The following LPA variants were observed in gnomAD, a reference collection of about 807,000 sequenced individuals.
LPA encodes the protein apolipoprotein(a).
Under a neutral mutation model 197.9 loss-of-function variants are expected in LPA, and 199 were observed. That is an observed-to-expected ratio of 1.01 (90% confidence interval 0.90 to 1.13). The LOEUF (loss-of-function observed/expected upper bound fraction) is 1.13. Ranked by LOEUF, LPA falls within the 50% of genes most tolerant of loss-of-function variation. The pLI is 0.00. For missense variants in LPA, 1,853 were observed against 1,785.8 expected, an observed-to-expected ratio of 1.04 and a Z score of -0.68; for synonymous variants, 715 against 639.5, an observed-to-expected ratio of 1.12 and a Z score of -1.78.
rs1778261833 is a variant in LPA, at chr6:160,556,256, C to T, written c.4814-72G>A. 4.2e-6 allele frequency: 6 copies of T among 1,433,312 alleles called. 1 individual carries two copies. The highest frequency in any genetic ancestry group is 3.4e-5 in the South Asian group (3 of 87,512). The allele number at this position is 1,433,312 out of a possible 1,614,324, so 88.8% of individuals were successfully genotyped here. A position where few individuals can be genotyped will look rare whatever the true frequency, so the allele number is the denominator to read the frequency against. ...CATGTGAAGCAATTTATGACACAAACAGGACAGTAGTTTCAGAATTATGAC... is the reference window on the plus strand; with the variant it reads ...CATGTGAAGCAATTTATGACACAAATAGGACAGTAGTTTCAGAATTATGAC... On this transcript the variant is annotated intron_variant, in intron 29 of 38. Transcript: ENST00000316300.
At chr6:160,654,021 A>G (rs13218605) in intron 1 of LPA, among the ~76,000 whole-genome samples, 13 of 3,464 alleles carry the variant, frequency 3.8e-3, no homozygotes, top group African/African-American at 7.8e-3. Flanking sequence ...ATTATATATA[A>G]TATATAATAT....
At chr6:160,557,595 G>T (rs1257062856) in intron 28 of LPA, 24 bp from the exon 29 acceptor site, 1 of 1,612,380 alleles carries the variant, frequency 6.2e-7, no homozygotes, top group South Asian at 1.1e-5. Context: ...AACAACACAG[G>T]TCACAAGAGG....
At chr6:160,577,886 C>A (rs1778714106) in intron 27 of LPA, among the ~76,000 whole-genome samples, 2 of 152,202 alleles carry the variant, frequency 1.3e-5, no homozygotes, top group African/African-American at 2.4e-5. Flanking sequence ...AAGCAGAATT[C>A]TCTTCCTCTT....
chr6:160,604,855 A>G (rs1583614524), intron 18 of LPA, among the ~76,000 whole-genome samples, 191 bp downstream of exon 18: 1 of 152,164 alleles, frequency 6.6e-6, no homozygotes. Context: ...TTAAACTAGG[A>G]GGAAGGAGAG....
intron 33 of LPA, among the ~76,000 whole-genome samples, chr6:160,544,473 C>T (rs1220272013): frequency 6.6e-6 from 1 of 152,178 alleles, no homozygotes; most frequent in African/African-American, 2.4e-5. Context: ...ATCACCCTAA[C>T]CTCTCCTTCT....
intron 28 of LPA, among the ~76,000 whole-genome samples, chr6:160,563,160 G>C (rs1373836758): frequency 1.3e-5 from 2 of 152,118 alleles, no homozygotes; most frequent in Non-Finnish European, 2.9e-5. Context: ...TGTGATGTTA[G>C]GGTGTTGATT....
rs1220393646 is a variant in LPA at position 160,589,705 on chromosome 6, C to T, written c.3795G>A (p.Thr1265=). Residue 1265 remains threonine, a synonymous_variant, in exon 24 of 39, where the codon ACG becomes ACA. Transcript: ENST00000316300. ...TSTAVSEQAP[T]EQSPTVQDCY... The stretch of plus-strand genomic sequence containing the variant: ...AGTCCTGGACTGTGGGGCTTTGCTC[C>T]GTTGGTGCTGAAATTCAAAGAGGAG... 9 of 1,613,730 alleles carry T rather than the reference C, an allele frequency of 5.6e-6. No homozygotes were observed. The highest frequency in any genetic ancestry group is 1.3e-5 in the African/African-American group (1 of 74,988).
chr6:160,544,111 G>A (rs944618135), intron 33 of LPA, among the ~76,000 whole-genome samples: 1 of 152,190 alleles, frequency 6.6e-6, no homozygotes, highest in African/African-American at 2.4e-5. Context: ...CACCTGGGAA[G>A]CTACTGCACT....
Position 160,650,426 on chromosome 6 carries a change from A to G in LPA, c.121T>C (p.Ser41Pro). ...GDGQSYRGTY[S>P]TTVTGRTCQA... The stretch of plus-strand genomic sequence containing the variant: ...CAGGTCCTTCCTGTGACAGTGGTGG[A>G]GTACGTGCCTCGATAACTCTGTCCA... The change falls in exon 2 of 39, where the codon TCC becomes CCC. Residue 41 changes from serine to proline, a missense_variant. Physicochemically the swap from Ser to Pro is moderately conservative, Grantham distance 74. Transcript: ENST00000316300. 6.2e-7 allele frequency: 1 copy of G among 1,613,864 alleles called. No homozygotes were observed. Among genetic ancestry groups the G allele is most frequent in the Non-Finnish European group, 8.5e-7 (1 of 1,179,774 alleles).
chr6:160,567,866 C>T (rs1380333896), intron 28 of LPA, among the ~76,000 whole-genome samples: 1 of 152,144 alleles, frequency 6.6e-6, no homozygotes, highest in Non-Finnish European at 1.5e-5. Context: ...ATTATAAACA[C>T]CTCTGTGCAA....
At position 160,554,516 on chromosome 6, in the gene LPA, C is replaced by T. The variant is rs73012302; in HGVS notation, c.4973+1509G>A. 1.0e-2 allele frequency among the ~76,000 whole-genome samples: 1,516 copies of T among 152,206 alleles called. 41 individuals are homozygous for T. The highest frequency in any genetic ancestry group is 0.053 in the Admixed American group (813 of 15,286). ...TGGGGTAGTCTTTATTCTAAGAAGGCATAAATCCTACTCCTAAAGTATGAC... is the reference window on the plus strand; with the variant it reads ...TGGGGTAGTCTTTATTCTAAGAAGGTATAAATCCTACTCCTAAAGTATGAC... On this transcript the variant is annotated intron_variant, in intron 30 of 38. Coordinates refer to ENST00000316300, the MANE Select transcript of LPA (RefSeq NM_005577.4).
rs146164176 is a variant in LPA, at chr6:160,594,987, C to T, written c.3469+367G>A. Among the ~76,000 whole-genome samples, 17 of 152,314 alleles carry T rather than the reference C, an allele frequency of 1.1e-4. No individual in the cohort carries two copies. In the East Asian group the frequency reaches 1.4e-3, roughly 12 times the overall value. On this transcript the variant is annotated intron_variant, in intron 21 of 38. Transcript: ENST00000316300. The stretch of plus-strand genomic sequence containing the variant: ...AAGCCAAAGATGCAATGAACACTGA[C>T]TACTTGAAGAAATACCATGAAAGGC...
intron 37 of LPA, among the ~76,000 whole-genome samples, chr6:160,535,131 T>C (rs1777867081): frequency 6.7e-6 from 1 of 150,186 alleles, no homozygotes; most frequent in African/African-American, 2.5e-5. Context: ...GTTACAGTGA[T>C]GGTGGTATTG....
At chr6:160,581,105 G>A (rs1203266861) in intron 26 of LPA, among the ~76,000 whole-genome samples, 1 of 152,052 alleles carries the variant, frequency 6.6e-6, no homozygotes, top group Non-Finnish European at 1.5e-5. Flanking sequence ...TCATACAGTA[G>A]GATTCAAGCG....
At chr6:160,552,206 C>T (rs1047078355) in intron 30 of LPA, among the ~76,000 whole-genome samples, 4 of 152,202 alleles carry the variant, frequency 2.6e-5, no homozygotes, top group Non-Finnish European at 5.9e-5. Context: ...GCCAAGGGGC[C>T]AGGCCAATAC....
At chr6:160,535,842 C>T (rs1283537222) in intron 37 of LPA, among the ~76,000 whole-genome samples, 1 of 152,048 alleles carries the variant, frequency 6.6e-6, no homozygotes, top group Non-Finnish European at 1.5e-5. Flanking sequence ...GATGGGAGAG[C>T]CAGAACTCAC....
chr6:160,531,899 A>T lies in LPA; in HGVS notation c.5962-9T>A. 1 of 1,613,900 alleles carries T rather than the reference A, an allele frequency of 6.2e-7. No homozygotes were observed. The highest frequency in any genetic ancestry group is 8.5e-7 in the Non-Finnish European group (1 of 1,179,856). The stretch of plus-strand genomic sequence containing the variant: ...GGCCCTCCACTGTCACCCTAAACAG[A>T]GGTAGGGGAAAATTCATGTGAGCTT... On this transcript the variant is annotated splice_polypyrimidine_tract_variant and intron_variant, in intron 38 of 38. Coordinates refer to ENST00000316300, the MANE Select transcript of LPA (RefSeq NM_005577.4).
At chr6:160,650,035 G>C (rs1033440825) in intron 2 of LPA, among the ~76,000 whole-genome samples, 34 of 152,194 alleles carry the variant, frequency 2.2e-4, no homozygotes, top group African/African-American at 8.2e-4. Context: ...AAGGGGTAAA[G>C]ATCACATTGA....
Position 160,586,591 on chromosome 6 carries a change from C to G in LPA, c.3987G>C (p.Glu1329Asp). Reference protein sequence around the residue: ...TRNYCRNPDAEIRPWCYTMDP... With the variant: ...TRNYCRNPDADIRPWCYTMDP... ...CCATGGTATAACACCAAGGGCGAAT[C>G]TCAGCATCTGGATTCCTGCAGTAGT... The change falls in exon 25 of 39, where the codon GAG becomes GAC. Residue 1329 changes from glutamate to aspartate, a missense_variant. Glu to Asp is a conservative substitution (Grantham distance 45, BLOSUM62 2). This residue lies in a region of LPA where 1,737 missense variants were observed against 1,504.4 expected (regional missense o/e 1.15). Transcript: ENST00000316300. The G allele has an allele frequency of 6.2e-7, 1 of 1,613,798 alleles. No homozygotes were observed. Among genetic ancestry groups the G allele is most frequent in the Non-Finnish European group, 8.5e-7 (1 of 1,179,812 alleles).
Sources: gnomAD v4.1 joint callset for allele counts (sites outside exome capture counted in the v4.1 genomes callset) on GRCh38, gnomAD v4.1.1 for gene constraint, gnomAD v4.1.1 regional missense constraint, MANE v1.5 for transcripts, NCBI Gene and HGNC (gene_info 2026-07-23, HGNC 2026-07-21) for gene names.